NEB: variants seen among roughly 807,000 people sequenced by gnomAD.
NEB encodes nebulin, also known as nemaline myopathy type 2.
A neutral mutation model predicts 952.2 loss-of-function variants in NEB; 512 were observed. That is an observed-to-expected ratio of 0.54 (90% CI 0.50 to 0.58). NEB has a LOEUF of 0.58. Ranked by LOEUF, NEB falls within the 20% of genes least tolerant of loss-of-function variation. The pLI is 0.00. For synonymous variants in NEB, 2,900 were observed against 3,149.8 expected (o/e 0.92, Z 2.66); for missense variants, 8,428 against 9,231.1 (o/e 0.91, Z 3.56).
chr2:151,687,754 A>G (rs1039608627), intron 25 of NEB, 21 bp from the exon 26 acceptor site: 2 of 1,555,936 alleles, frequency 1.3e-6, no homozygotes, highest in Non-Finnish European at 1.7e-6. Flanking sequence ...AAAATTCAGC[A>G]AAGGAATGAT....
rs866183504 is a variant in NEB at position 151,491,767 on chromosome 2, C to A, written c.25066G>T (p.Val8356Phe). Residue 8356 changes from valine (V) to phenylalanine (F), a missense_variant, in exon 179 of 182, where the codon GTC becomes TTC. This residue lies in a region of NEB where 3,374 missense variants were observed against 3,651.5 expected (regional missense o/e 0.92). Coordinates refer to ENST00000397345, the MANE Select transcript of NEB (RefSeq NM_001164508.2). ...QDQETITGLRVWRTNPGSVFD... is the reference protein window; with the variant it reads ...QDQETITGLRFWRTNPGSVFD... ...ACCGAACCAGGATTAGTACGCCAGA[C>A]ACGTAAACCTGAAAGGGAAACCAGT... The A allele has an allele frequency of 1.9e-6, 3 of 1,586,200 alleles. No homozygotes were observed. The highest frequency in any genetic ancestry group is 1.7e-6 in the Non-Finnish European group (2 of 1,165,076).
In NEB at chr2:151,627,188, A is replaced by G. The variant is rs1251021820; in HGVS notation, c.10161T>C (p.Asp3387=). The change falls in exon 70 of 182, where the codon GAT becomes GAC. Residue 3387 remains aspartate, a synonymous_variant. Transcript: ENST00000397345. ...DLQSDNIYKS[D]LQWLRGIGWV... ...AGCCAATGCCTCTCAGCCACTGGAG[A>G]TCAGATTTGTAAATGTTCTGGAGAG... 2 of 1,613,878 alleles carry G rather than the reference A, an allele frequency of 1.2e-6. No homozygotes were observed. Among genetic ancestry groups the G allele is most frequent in the Non-Finnish European group, 1.7e-6 (2 of 1,179,798 alleles).
chr2:151,678,053 A>T lies in NEB; in HGVS notation c.3390T>A (p.Tyr1130Ter). The T allele has an allele frequency of 1.9e-6, 3 of 1,613,918 alleles. No individual in the cohort carries two copies. The highest frequency in any genetic ancestry group is 2.5e-6 in the Non-Finnish European group (3 of 1,179,860). ...IQSDREYKKDYEKTKSKYNTP... is the reference protein window; with the variant it reads ...IQSDREYKKD ...TGTTGTATTTGGACTTTGTCTTCTC[A>T]TAGTCTTTTTTATACTCCCGATCTG... The change falls in exon 33 of 182, where the codon TAT (tyrosine) becomes TAA (stop). Residue 1130 changes from tyrosine to a stop codon, truncating the protein, a stop_gained. Transcript: ENST00000397345. LOFTEE classifies it high-confidence loss of function.
At chr2:151,711,334 A>C (rs993646397) in intron 10 of NEB, among the ~76,000 whole-genome samples, 5 of 152,234 alleles carry the variant, frequency 3.3e-5, no homozygotes, top group African/African-American at 1.2e-4. Context: ...GAGTTAGAGC[A>C]ATTCTCCCTC....
At position 151,640,517 on chromosome 2, in the gene NEB, G is replaced by T. The variant is rs1157098819; in HGVS notation, c.8523C>A (p.Thr2841=). The change falls in exon 61 of 182, where the codon ACC becomes ACA. Residue 2841 remains threonine, a synonymous_variant. Coordinates refer to ENST00000397345, the MANE Select transcript of NEB (RefSeq NM_001164508.2). ...GCATGTCCACTGGGCTGCTGAACTTGGTCTTCCACTTCTCAAAGTCCTTCT... is the reference window on the plus strand; with the variant it reads ...GCATGTCCACTGGGCTGCTGAACTTTGTCTTCCACTTCTCAAAGTCCTTCT... The part of the protein sequence containing the change: ...EYKKDFEKWK[T]KFSSPVDMLG... The T allele has an allele frequency of 6.2e-7, 1 of 1,613,886 alleles. No homozygotes were observed. Among genetic ancestry groups the T allele is most frequent in the African/African-American group, 1.3e-5 (1 of 75,004 alleles).
intron 143 of NEB, among the ~76,000 whole-genome samples, chr2:151,532,498 T>C (rs1386292554): frequency 6.6e-6 from 1 of 152,152 alleles, no homozygotes; most frequent in African/African-American, 2.4e-5. Flanking sequence ...AATTTTCAAG[T>C]CATAATTATT....
intron 13 of NEB, among the ~76,000 whole-genome samples, chr2:151,702,329 A>G (rs1195394829): frequency 1.3e-5 from 2 of 152,030 alleles, no homozygotes; most frequent in Non-Finnish European, 2.9e-5. Context: ...GTGCTGAAAA[A>G]AATGTATATT....
chr2:151,621,080 T>C (rs1441533567), intron 71 of NEB, 54 bp from the exon 72 acceptor site: 8 of 1,432,050 alleles, frequency 5.6e-6, no homozygotes, highest in African/African-American at 4.2e-5. Context: ...ACTCGAAAAG[T>C]ATATTTTCTG....
At chr2:151,650,446 A>G in intron 53 of NEB, 67 bp from the exon 54 acceptor site, 2 of 1,542,372 alleles carry the variant, frequency 1.3e-6, no homozygotes, top group Non-Finnish European at 1.8e-6. Context: ...AAGTGATTCT[A>G]TGCATTACAA....
chr2:151,505,050 A>G (rs1199361153), intron 165 of NEB, among the ~76,000 whole-genome samples: 1 of 152,184 alleles, frequency 6.6e-6, no homozygotes. Context: ...ATGATGTGTC[A>G]TACATACACA....
chr2:151,653,944 C>G, intron 52 of NEB, 48 bp downstream of exon 52: 1 of 1,253,992 alleles, frequency 8.0e-7, no homozygotes, highest in Non-Finnish European at 1.2e-6. Flanking sequence ...ATTAAGTCAC[C>G]TGATTCAGAT....
At chr2:151,529,704 A>G (rs1226507747) in intron 145 of NEB, among the ~76,000 whole-genome samples, 1 of 151,866 alleles carries the variant, frequency 6.6e-6, no homozygotes, top group Non-Finnish European at 1.5e-5. Context: ...CTAATTTTGT[A>G]TTTTAGTAGA....
In NEB at chr2:151,605,717, GAGA is replaced by G. The variant is rs1302933436; in HGVS notation, c.12748-849_12748-847del. ...ACAACTGGCTACATGATGAAAATCA[GAGA>G]AGAACACAGAGAAAGGAACAAGGTG... On this transcript the variant is annotated intron_variant, in intron 84 of 181. Coordinates refer to ENST00000397345, the MANE Select transcript of NEB (RefSeq NM_001164508.2). 6.0e-5 allele frequency among the ~76,000 whole-genome samples: 6 copies of G among 99,292 alleles called. 1 individual carries two copies. Among genetic ancestry groups the G allele is most frequent in the Non-Finnish European group, 1.3e-4 (5 of 39,136 alleles). 65.1% of individuals were successfully genotyped at this position (99,292 alleles called of 152,430 possible).
At position 151,560,635 on chromosome 2, in the gene NEB, A is replaced by G; in HGVS notation, c.19271T>C (p.Leu6424Ser). The G allele has an allele frequency of 6.2e-7, 1 of 1,612,732 alleles. No homozygotes were observed. ...CTGGTTCTTGGCGTGTGTCAGGGAC[A>G]AGGTGCTGGAAGGCAGGATGTAGCT... ...ATSYILPSST[L>S]SLTHAKNQKH... Residue 6424 changes from leucine to serine, a missense_variant, in exon 124 of 182, where the codon TTG becomes TCG. Around this residue, in one of 11 missense-constraint regions of NEB, gnomAD observed 3,374 missense variants for 3,651.5 expected, o/e 0.92. Transcript: ENST00000397345.
At chr2:151,722,741 G>A (rs1363980480) in intron 9 of NEB, among the ~76,000 whole-genome samples, 3 of 151,968 alleles carry the variant, frequency 2.0e-5, no homozygotes, top group Admixed American at 1.3e-4. Flanking sequence ...TAGAGATGAG[G>A]TCTTGCTTTA....
chr2:151,563,844 A>AT lies in NEB; in HGVS notation c.18557dup (p.His6186GlnfsTer3). ...TGACCTCACTGTTCACCAGATCAGC[A>AT]TGCTTGGCTCCAACAATGGGAATGT... On this transcript the variant is annotated frameshift_variant, in exon 118 of 182. Coordinates refer to ENST00000397345, the MANE Select transcript of NEB (RefSeq NM_001164508.2). LOFTEE classifies it high-confidence loss of function. The AT allele has an allele frequency of 6.2e-7, 1 of 1,613,442 alleles. No individual in the cohort carries two copies. Among genetic ancestry groups the AT allele is most frequent in the Non-Finnish European group, 8.5e-7 (1 of 1,179,634 alleles).
At chr2:151,499,555 T>G (rs2062862524) in intron 168 of NEB, 165 bp from the exon 169 acceptor site, 1 of 503,204 alleles carries the variant, frequency 2.0e-6, no homozygotes, top group Non-Finnish European at 3.5e-6. Context: ...GAACATGTTT[T>G]GTATTTCCTT....
chr2:151,524,020 A>C lies in NEB; in HGVS notation c.22479+291T>G, dbSNP rs111701283. ...GATGAAACTCTTAAGGCCTGGGGAGAGGTTCCAGTAGGATCTCATGAACTG... is the reference window on the plus strand; with the variant it reads ...GATGAAACTCTTAAGGCCTGGGGAGCGGTTCCAGTAGGATCTCATGAACTG... On this transcript the variant is annotated intron_variant, in intron 153 of 181. Coordinates refer to ENST00000397345, the MANE Select transcript of NEB (RefSeq NM_001164508.2). Among the ~76,000 whole-genome samples, 760 of 152,256 alleles carry C rather than the reference A, an allele frequency of 5.0e-3. 7 individuals carry two copies. The highest frequency in any genetic ancestry group is 0.017 in the African/African-American group (697 of 41,556).
intron 5 of NEB, 121 bp downstream of exon 5, chr2:151,727,570 A>C: frequency 6.3e-6 from 6 of 958,898 alleles, no homozygotes; most frequent in Non-Finnish European, 6.1e-6. Flanking sequence ...AATTTGCAAA[A>C]TAAGTTTTTG....
Sources: allele counts gnomAD v4.1 joint callset (sites outside exome capture counted in the v4.1 genomes callset), GRCh38; gene constraint gnomAD v4.1.1; regional missense constraint gnomAD v4.1.1; transcripts MANE v1.5; gene names NCBI Gene and HGNC (gene_info 2026-07-23, HGNC 2026-07-21).